The following P4HA3 variants were observed in gnomAD, a reference collection of about 807,000 sequenced individuals.
P4HA3 encodes the protein prolyl 4-hydroxylase subunit alpha 3.
P4HA3 carries 60 observed loss-of-function variants against 66.7 expected under a neutral mutation model. The ratio of observed to expected loss-of-function variants is 0.90; its 90% confidence interval spans 0.73 to 1.12. The LOEUF (loss-of-function observed/expected upper bound fraction) is 1.12. Among genes scored for constraint, P4HA3 ranks in the 50% most tolerant of loss-of-function variants. The pLI, the probability that P4HA3 is intolerant of heterozygous loss-of-function variation, is 0.00. For synonymous variants in P4HA3, 263 were observed against 274.6 expected, an observed-to-expected ratio of 0.96 and a Z score of 0.42; for missense variants, 683 against 685.8, an observed-to-expected ratio of 1.00 and a Z score of 0.05.
downstream of P4HA3, among the ~76,000 whole-genome samples, chr11:74,263,935 C>T (rs944318496): frequency 6.6e-6 from 1 of 151,990 alleles, no homozygotes; most frequent in Non-Finnish European, 1.5e-5. Flanking sequence ...AAGAAAGAAA[C>T]AAAATTATAA....
rs775807805 is a variant in P4HA3, at chr11:74,279,401, G to A, written c.1162C>T (p.Arg388Cys). The A allele has an allele frequency of 8.1e-6, 13 of 1,613,670 alleles. No homozygotes were observed. Among genetic ancestry groups the A allele is most frequent in the African/African-American group, 1.3e-5 (1 of 74,888 alleles). ...GGCCCTTCTTACCTTTTGCTGATGC[G>A]GTACTCCACTTGTAACTGCTTCTCC... Reference protein sequence around the residue: ...SGEKQLQVEYRISKSAWLKDT... With the variant: ...SGEKQLQVEYCISKSAWLKDT... The change falls in exon 8 of 13, where the codon CGC becomes TGC. Residue 388 changes from arginine (R) to cysteine (C), a missense_variant. Coordinates refer to ENST00000331597, the MANE Select transcript of P4HA3 (RefSeq NM_182904.5).
intron 7 of P4HA3, 90 bp downstream of exon 7, chr11:74,285,718 CT>C: frequency 7.4e-7 from 1 of 1,360,162 alleles, no homozygotes; most frequent in South Asian, 1.4e-5. Flanking sequence ...TTTGAGGTGT[CT>C]AGTTGTTCAG....
chr11:74,287,989 C>T (rs944528962), intron 5 of P4HA3, among the ~76,000 whole-genome samples: 1 of 152,144 alleles, frequency 6.6e-6, no homozygotes, highest in Admixed American at 6.5e-5. Context: ...GCACTCCAGC[C>T]TGGGTGACAG....
At chr11:74,275,639 T>A (rs765870905) in intron 9 of P4HA3, among the ~76,000 whole-genome samples, 7 of 152,224 alleles carry the variant, frequency 4.6e-5, no homozygotes, top group Non-Finnish European at 8.8e-5. Flanking sequence ...TTTTCAAAAT[T>A]GTTTTGGCTG....
intron 12 of P4HA3, among the ~76,000 whole-genome samples, 186 bp downstream of exon 12, chr11:74,267,959 C>T (rs1860045848): frequency 6.6e-6 from 1 of 152,166 alleles, no homozygotes; most frequent in Non-Finnish European, 1.5e-5. Context: ...GTAACAGGAA[C>T]CCCTGCCTGT....
intron 15 of P4HA3, chr11:74,252,340 G>A (rs1185606883): frequency 2.4e-5 from 10 of 418,400 alleles, no homozygotes; most frequent in Admixed American, 7.3e-5. Context: ...CACCCGCATC[G>A]GCCTCCTAAA....
At position 74,298,245 on chromosome 11, in the gene P4HA3, A is replaced by G; in HGVS notation, c.684T>C (p.Asp228=). 2 of 1,614,124 alleles carry G rather than the reference A, an allele frequency of 1.2e-6. No homozygotes were observed. The highest frequency in any genetic ancestry group is 1.7e-6 in the Non-Finnish European group (2 of 1,179,980). ...WKTEDEASLE[D]ALDHLAFAYF... ...AAGCAAAGGCCAAGTGATCCAAGGCATCTTCTAGACTTGCCTCATCCTCTG... is the reference window on the plus strand; with the variant it reads ...AAGCAAAGGCCAAGTGATCCAAGGCGTCTTCTAGACTTGCCTCATCCTCTG... Residue 228 remains aspartate (D), a synonymous_variant, in exon 4 of 13, where the codon GAT becomes GAC. Coordinates refer to ENST00000331597, the MANE Select transcript of P4HA3 (RefSeq NM_182904.5).
intron 10 of P4HA3, among the ~76,000 whole-genome samples, chr11:74,273,091 T>C (rs1360401041): frequency 6.6e-6 from 1 of 152,226 alleles, no homozygotes; most frequent in East Asian, 1.9e-4. Context: ...TTTCTCTCAG[T>C]GTCTCTGTTC....
At chr11:74,289,024 G>T in intron 5 of P4HA3, 55 bp downstream of exon 5, 2 of 1,303,530 alleles carry the variant, frequency 1.5e-6, no homozygotes, top group East Asian at 2.7e-5. Context: ...AGGAGCAGAA[G>T]GGAGTTCCCC....
intron 2 of P4HA3, among the ~76,000 whole-genome samples, chr11:74,303,286 A>G (rs901412107): frequency 6.8e-6 from 1 of 147,140 alleles, no homozygotes; most frequent in Non-Finnish European, 1.5e-5. Context: ...AAAAATCAAC[A>G]AACTTCTTTT....
rs150190857 is a variant in P4HA3 at position 74,284,348 on chromosome 11, G to A, written c.1110+1461C>T. Among the ~76,000 whole-genome samples the A allele has an allele frequency of 8.2e-4, 125 of 152,262 alleles. 1 individual carries two copies. Among genetic ancestry groups the A allele is most frequent in the African/African-American group, 2.9e-3 (120 of 41,556 alleles). On this transcript the variant is annotated intron_variant, in intron 7 of 12. Transcript: ENST00000331597. Reference sequence around the variant, plus strand: ...TTGCTCTGACCAGTGAAACATGGGTGGAAGTAACATCTGGCACTTCCATGC... The same window carrying A: ...TTGCTCTGACCAGTGAAACATGGGTAGAAGTAACATCTGGCACTTCCATGC...
At chr11:74,285,069 T>C (rs1203936406) in intron 7 of P4HA3, among the ~76,000 whole-genome samples, 1 of 152,032 alleles carries the variant, frequency 6.6e-6, no homozygotes, top group Non-Finnish European at 1.5e-5. Context: ...AATTCATAAA[T>C]GAGGCACAGA....
chr11:74,297,474 T>C (rs537071280), intron 4 of P4HA3, among the ~76,000 whole-genome samples: 1 of 152,306 alleles, frequency 6.6e-6, no homozygotes, highest in South Asian at 2.1e-4. Flanking sequence ...ACTGGTTCCA[T>C]GGAGATTTTT....
intron 2 of P4HA3, among the ~76,000 whole-genome samples, chr11:74,303,785 T>C (rs2134824676): frequency 6.6e-6 from 1 of 152,176 alleles, no homozygotes; most frequent in Admixed American, 6.5e-5. Flanking sequence ...GGTTTCACTA[T>C]GTTGGTTAGG....
Position 74,311,556 on chromosome 11 carries a change from C to A in P4HA3, c.56G>T (p.Gly19Val). The A allele has an allele frequency of 6.5e-7, 1 of 1,542,032 alleles. No individual in the cohort carries two copies. ...ALLAVLALGT[G>V]DPERAAARGD... is the part of the protein sequence containing the mutation. Reference sequence around the variant, plus strand: ...CCGAGCCGCAGCCCTTTCTGGGTCTCCTGTCCCGAGCGCCAGCACCGCCAG... The same window carrying A: ...CCGAGCCGCAGCCCTTTCTGGGTCTACTGTCCCGAGCGCCAGCACCGCCAG... The change falls in exon 1 of 13, where the codon GGA becomes GTA. Residue 19 changes from glycine (G) to valine (V), a missense_variant. Coordinates refer to ENST00000331597, the MANE Select transcript of P4HA3 (RefSeq NM_182904.5).
intron 10 of P4HA3, 136 bp from the exon 11 acceptor site, chr11:74,269,856 T>C (rs1049841994): frequency 7.5e-6 from 7 of 938,036 alleles, no homozygotes; most frequent in Non-Finnish European, 4.7e-6. Context: ...AAGACAATCA[T>C]CCAACTCAGG....
intron 14 of P4HA3, among the ~76,000 whole-genome samples, chr11:74,261,331 C>G (rs1859903548): frequency 6.6e-6 from 1 of 151,844 alleles, no homozygotes; most frequent in African/African-American, 2.4e-5. Context: ...AGCAAAGACA[C>G]CATTCACAGT....
intron 3 of P4HA3, among the ~76,000 whole-genome samples, chr11:74,299,137 G>A (rs552810017): frequency 1.6e-4 from 25 of 152,326 alleles, no homozygotes; most frequent in African/African-American, 6.0e-4. Flanking sequence ...ACATGGGAAC[G>A]CTATGGAAGC....
chr11:74,270,357 C>G (rs1215557717), intron 10 of P4HA3, among the ~76,000 whole-genome samples: 1 of 152,168 alleles, frequency 6.6e-6, no homozygotes, highest in Non-Finnish European at 1.5e-5. Context: ...CTCCAGGGAA[C>G]CCAAGCTAAG....
Sources: gnomAD v4.1 joint callset for allele counts (sites outside exome capture counted in the v4.1 genomes callset) on GRCh38, gnomAD v4.1.1 for gene constraint, MANE v1.5 for transcripts, NCBI Gene and HGNC (gene_info 2026-07-23, HGNC 2026-07-21) for gene names.